The following COG2 variants were observed in gnomAD, a reference collection of about 807,000 sequenced individuals.
COG2 encodes component of oligomeric golgi complex 2.
Under a neutral mutation model 90.6 loss-of-function variants are expected in COG2, and 52 were observed. The observed-to-expected ratio is 0.57, with a 90% CI of 0.46 to 0.72. The LOEUF is 0.72. COG2 is among the 30% of genes least tolerant of loss of function. The pLI, the probability that COG2 is intolerant of heterozygous loss-of-function variation, is 0.00. For missense variants in COG2, 829 were observed against 891.2 expected, an observed-to-expected ratio of 0.93 and a Z score of 0.89; for synonymous variants, 337 against 320.4, an observed-to-expected ratio of 1.05 and a Z score of -0.55.
chr1:230,687,945 C>T, intron 13 of COG2, 126 bp from the exon 14 acceptor site: 1 of 637,266 alleles, frequency 1.6e-6, no homozygotes, highest in South Asian at 2.1e-5. Context: ...ATGAAAATTA[C>T]TGAAATTCCT....
At chr1:230,689,674 C>T (rs969751649) in intron 15 of COG2, among the ~76,000 whole-genome samples, 4 of 152,230 alleles carry the variant, frequency 2.6e-5, no homozygotes, top group Non-Finnish European at 4.4e-5. Context: ...AGAATTAGAA[C>T]CTGAGTTTTA....
intron 10 of COG2, chr1:230,682,811 A>G (rs1662783462): frequency 6.6e-6 from 1 of 152,264 alleles, no homozygotes; most frequent in Admixed American, 6.5e-5. Flanking sequence ...ATGAAATTGC[A>G]AGAGTTATAT....
chr1:230,687,425 C>T (rs1448461679), intron 13 of COG2, among the ~76,000 whole-genome samples: 1 of 152,218 alleles, frequency 6.6e-6, no homozygotes, highest in Non-Finnish European at 1.5e-5. Flanking sequence ...ATGGGACAAG[C>T]TTGAGCAGCC....
At chr1:230,674,107 T>C (rs1256482368) in intron 8 of COG2, among the ~76,000 whole-genome samples, 1 of 152,182 alleles carries the variant, frequency 6.6e-6, no homozygotes, top group Admixed American at 6.5e-5. Context: ...AATGGATGTT[T>C]ATGGATCTTT....
intron 8 of COG2, among the ~76,000 whole-genome samples, chr1:230,672,611 G>A (rs905634368): frequency 2.6e-5 from 4 of 151,612 alleles, no homozygotes; most frequent in African/African-American, 4.9e-5. Flanking sequence ...CAGGTGAATC[G>A]CTTGAGGCCA....
chr1:230,656,900 T>G (rs781483905), intron 1 of COG2, among the ~76,000 whole-genome samples: 10 of 152,202 alleles, frequency 6.6e-5, no homozygotes, highest in Admixed American at 1.3e-4. Context: ...AACTCCTGCT[T>G]CTTTTTGCTT....
At chr1:230,678,806 T>G in intron 9 of COG2, 107 bp from the exon 10 acceptor site, 1 of 1,576,110 alleles carries the variant, frequency 6.3e-7, no homozygotes, top group Non-Finnish European at 8.6e-7. Flanking sequence ...CTAGAAACTG[T>G]GATTCTTACG....
chr1:230,653,916 A>G (rs1409115984), intron 1 of COG2, among the ~76,000 whole-genome samples: 1 of 150,368 alleles, frequency 6.7e-6, no homozygotes, highest in Non-Finnish European at 1.5e-5. Context: ...ATTCATGAGG[A>G]CAAAGCCCTC....
intron 8 of COG2, 72 bp from the exon 9 acceptor site, chr1:230,674,926 C>G (rs1662546492): frequency 8.1e-7 from 1 of 1,232,816 alleles, no homozygotes; most frequent in Non-Finnish European, 1.1e-6. Flanking sequence ...TTGGCAGAAG[C>G]AACACAGTGG....
chr1:230,686,865 A>G, intron 12 of COG2, 70 bp from the exon 13 acceptor site: 1 of 990,888 alleles, frequency 1.0e-6, no homozygotes, highest in Non-Finnish European at 1.5e-6. Context: ...TGACGCGCAC[A>G]TATGTAATAT....
chr1:230,688,097 G>T lies in COG2; in HGVS notation c.1605G>T (p.Lys535Asn). The change falls in exon 14 of 18, where the codon AAG becomes AAT. Residue 535 changes from lysine to asparagine, a missense_variant. Physicochemically the swap from Lys to Asn is moderately conservative, Grantham distance 94. Transcript: ENST00000366669. Reference sequence around the variant, plus strand: ...TTCCAGAACTCTTGGAAATAATCAAGCCAAAACTTGAAATGATTGGCTTTA... The same window carrying T: ...TTCCAGAACTCTTGGAAATAATCAATCCAAAACTTGAAATGATTGGCTTTA... Reference protein sequence around the residue: ...EQLPELLEIIKPKLEMIGFKN... With the variant: ...EQLPELLEIINPKLEMIGFKN... The T allele has an allele frequency of 4.4e-6, 7 of 1,601,038 alleles. No individual in the cohort carries two copies. Among genetic ancestry groups the T allele is most frequent in the Non-Finnish European group, 6.0e-6 (7 of 1,175,854 alleles).
intron 5 of COG2, among the ~76,000 whole-genome samples, chr1:230,666,906 GCTTT>G (rs1332884272): frequency 6.6e-6 from 1 of 152,186 alleles, no homozygotes; most frequent in Admixed American, 6.5e-5. Flanking sequence ...GATCCCTTCT[GCTTT>G]CTTTAAAACT....
chr1:230,693,656 ATTATT>A lies in COG2; in HGVS notation c.*271_*275del, dbSNP rs1236176412. The A allele has an allele frequency of 1.0e-5, 3 of 287,994 alleles. No individual in the cohort carries two copies. The highest frequency in any genetic ancestry group is 6.5e-5 in the African/African-American group (3 of 46,046). The allele number at this position is 287,994 out of a possible 1,614,324, so 17.8% of individuals were successfully genotyped here. On this transcript the variant is annotated 3_prime_UTR_variant, in exon 18 of 18. Coordinates refer to ENST00000366669, the MANE Select transcript of COG2 (RefSeq NM_007357.3). ...CTTTCTACTATAGTTTACAGAACAA[ATTATT>A]TTATTTTTATTGTAAATCTTAGTGT...
intron 1 of COG2, among the ~76,000 whole-genome samples, chr1:230,648,220 A>G (rs1358167927): frequency 3.3e-5 from 5 of 152,338 alleles, no homozygotes; most frequent in Non-Finnish European, 7.4e-5. Context: ...ACAAATTGTA[A>G]CCCATCTAGT....
chr1:230,688,220 A>T, intron 14 of COG2, 77 bp downstream of exon 14: 1 of 1,237,546 alleles, frequency 8.1e-7, no homozygotes, highest in Non-Finnish European at 1.1e-6. Context: ...TGTAGGGTAT[A>T]TTTAACATTT....
In COG2 at chr1:230,683,614, G is replaced by C. The variant is rs1019694381; in HGVS notation, c.1207G>C (p.Asp403His). ...GGGATCCTTAGAAGCAGCACTTACA[G>C]ATGTCCTGGAAGATGCCCCAGGTAA... ...IAGSLEAALTDVLEDAPAESP... is the reference protein window; with the variant it reads ...IAGSLEAALTHVLEDAPAESP... Residue 403 changes from aspartate (D) to histidine (H), a missense_variant, in exon 11 of 18, where the codon GAT becomes CAT. Transcript: ENST00000366669. The C allele has an allele frequency of 5.0e-6, 8 of 1,612,398 alleles. No individual in the cohort carries two copies. Among genetic ancestry groups the C allele is most frequent in the Non-Finnish European group, 6.8e-6 (8 of 1,178,646 alleles).
chr1:230,667,797 T>C (rs1662355292), intron 5 of COG2, among the ~76,000 whole-genome samples: 3 of 148,572 alleles, frequency 2.0e-5, no homozygotes, highest in Non-Finnish European at 4.6e-5. Flanking sequence ...GGGACATTTT[T>C]CCTCCCTAAC....
rs777410580 is a variant in COG2, at chr1:230,691,502, A to G, written c.2053A>G (p.Met685Val). The change falls in exon 17 of 18, where the codon ATG becomes GTG. Residue 685 changes from methionine to valine, a missense_variant. By Grantham distance (21) the Met-to-Val change is conservative. Coordinates refer to ENST00000366669, the MANE Select transcript of COG2 (RefSeq NM_007357.3). ...CAACCCCGTCGGTCCCAGTGGTGGC[A>G]TGAGCGACGACGACAAAATCAGGCT... ...PANPVGPSGGMSDDDKIRLQL... is the reference protein window; with the variant it reads ...PANPVGPSGGVSDDDKIRLQL... The G allele has an allele frequency of 2.9e-5, 47 of 1,614,114 alleles. No homozygotes were observed. The highest frequency in any genetic ancestry group is 3.6e-5 in the Non-Finnish European group (42 of 1,180,046).
At position 230,690,095 on chromosome 1, in the gene COG2, C is replaced by T. The variant is rs1352424826; in HGVS notation, c.1876C>T (p.Leu626Phe). 6.2e-7 allele frequency: 1 copy of T among 1,613,594 alleles called. No individual in the cohort carries two copies. The highest frequency in any genetic ancestry group is 8.5e-7 in the Non-Finnish European group (1 of 1,179,754). Residue 626 changes from leucine (L) to phenylalanine (F), a missense_variant, in exon 16 of 18, where the codon CTC becomes TTC. By Grantham distance (22) the Leu-to-Phe change is conservative. Coordinates refer to ENST00000366669, the MANE Select transcript of COG2 (RefSeq NM_007357.3). Reference sequence around the variant, plus strand: ...GCTTCAGAGCGGACACAAGGATAAGCTCAAACAAGCAATAATTCAGCAGTG... The same window carrying T: ...GCTTCAGAGCGGACACAAGGATAAGTTCAAACAAGCAATAATTCAGCAGTG... The part of the protein sequence containing the change: ...FQLQSGHKDK[L>F]KQAIIQQWLE...
Sources: gnomAD v4.1 joint callset for allele counts (sites outside exome capture counted in the v4.1 genomes callset) on GRCh38, gnomAD v4.1.1 for gene constraint, MANE v1.5 for transcripts, NCBI Gene and HGNC (gene_info 2026-07-23, HGNC 2026-07-21) for gene names.